Variants in MPZL1 observed in about 807,000 individuals in gnomAD.
MPZL1 encodes myelin protein zero-like protein 1.
In MPZL1, 16 loss-of-function variants were observed where a neutral mutation model predicts 29.3. The observed-to-expected ratio is 0.55, with a 90% CI of 0.37 to 0.83. The LOEUF (loss-of-function observed/expected upper bound fraction) is 0.83. Among genes scored for constraint, MPZL1 ranks in the 40% least tolerant of loss-of-function variants. The pLI, the probability that MPZL1 is intolerant of heterozygous loss-of-function variation, is 0.00. For missense variants in MPZL1, 279 were observed against 332.9 expected, an observed-to-expected ratio of 0.84 and a Z score of 1.26; for synonymous variants, 143 against 132.0, an observed-to-expected ratio of 1.08 and a Z score of -0.57.
intron 1 of MPZL1, among the ~76,000 whole-genome samples, chr1:167,756,429 ATTTTTTT>A (rs11455159): frequency 8.5e-5 from 8 of 94,632 alleles, no homozygotes; most frequent in East Asian, 3.1e-4. Flanking sequence ...GTCTGGCCAG[ATTTTTTT>A]TTTTTTTTTT....
Position 167,787,991 on chromosome 1 carries a change from C to T in MPZL1, c.*70C>T. On this transcript the variant is annotated 3_prime_UTR_variant, in exon 6 of 6. Coordinates refer to ENST00000359523, the MANE Select transcript of MPZL1 (RefSeq NM_003953.6). ...GGACTCTCGTGCAGAAAATGTAGCC[C>T]ATTACCACATGTAGCCTTGGAGACC... is the stretch of plus-strand genomic sequence containing the variant. 2.3e-6 allele frequency: 3 copies of T among 1,296,580 alleles called. No individual in the cohort carries two copies. The highest frequency in any genetic ancestry group is 1.8e-5 in the Admixed American group (1 of 56,960). 80.3% of individuals were successfully genotyped at this position (1,296,580 alleles called of 1,614,324 possible). A position where few individuals can be genotyped will look rare whatever the true frequency, so the allele number is the denominator to read the frequency against.
chr1:167,770,945 A>T (rs1445270916), intron 2 of MPZL1, among the ~76,000 whole-genome samples: 1 of 152,046 alleles, frequency 6.6e-6, no homozygotes, highest in African/African-American at 2.4e-5. Context: ...CGTGATCTCT[A>T]AACTTCTGTC....
At chr1:167,775,676 A>G (rs142378967) in intron 4 of MPZL1, among the ~76,000 whole-genome samples, 192 of 152,382 alleles carry the variant, frequency 1.3e-3, no homozygotes, top group Middle Eastern at 6.8e-3. Context: ...CATTAAGCTA[A>G]TAAAAGGTAC....
At chr1:167,778,146 C>T (rs537436818) in intron 5 of MPZL1, among the ~76,000 whole-genome samples, 1 of 152,080 alleles carries the variant, frequency 6.6e-6, no homozygotes, top group African/African-American at 2.4e-5. Context: ...CATGGTGAAA[C>T]CCTATCTCTA....
chr1:167,751,620 G>A (rs574705643), intron 1 of MPZL1, among the ~76,000 whole-genome samples: 69 of 149,242 alleles, frequency 4.6e-4, no homozygotes, highest in African/African-American at 1.6e-3. Flanking sequence ...GCAGTGAGCC[G>A]AGATGGCACC....
intron 5 of MPZL1, among the ~76,000 whole-genome samples, chr1:167,782,823 A>G (rs756374990): frequency 6.6e-6 from 1 of 152,140 alleles, no homozygotes; most frequent in Non-Finnish European, 1.5e-5. Flanking sequence ...GCTGACTTTA[A>G]AGATGAAGAA....
chr1:167,783,441 T>C (rs1245200710), intron 5 of MPZL1, among the ~76,000 whole-genome samples: 1 of 152,246 alleles, frequency 6.6e-6, no homozygotes, highest in Non-Finnish European at 1.5e-5. Context: ...TTTCTGGATA[T>C]CGTTGATGCT....
At chr1:167,777,938 G>A (rs560695059) in intron 5 of MPZL1, among the ~76,000 whole-genome samples, 1 of 152,318 alleles carries the variant, frequency 6.6e-6, no homozygotes, top group South Asian at 2.1e-4. Flanking sequence ...TAATTTAGTT[G>A]CATTTTACAA....
chr1:167,738,411 G>C (rs951327792), intron 1 of MPZL1, among the ~76,000 whole-genome samples: 1 of 152,158 alleles, frequency 6.6e-6, no homozygotes, highest in African/African-American at 2.4e-5. Flanking sequence ...ATACAAATAA[G>C]ATGTCCGTGT....
chr1:167,724,209 CAGAAGTA>C lies in MPZL1; in HGVS notation c.91+1968_91+1974del, dbSNP rs542085561. Among the ~76,000 whole-genome samples the C allele has an allele frequency of 3.9e-4, 59 of 152,182 alleles. No individual in the cohort carries two copies. The East Asian group carries it at 7.7e-3, about 20-fold the overall frequency. ...AAACTGGGTAGGCATGGGGGAGGGG[CAGAAGTA>C]CATACAGAGTTATGAATGAACCTGT... On this transcript the variant is annotated intron_variant, in intron 1 of 5. Transcript: ENST00000359523.
chr1:167,785,623 CCTT>C (rs1325299264), intron 5 of MPZL1, among the ~76,000 whole-genome samples: 2 of 152,154 alleles, frequency 1.3e-5, no homozygotes, highest in Non-Finnish European at 2.9e-5. Context: ...ATTGTAAACC[CCTT>C]CTCCCATGAA....
intron 1 of MPZL1, among the ~76,000 whole-genome samples, chr1:167,723,827 A>T (rs765896580): frequency 6.6e-6 from 1 of 152,234 alleles, no homozygotes; most frequent in Non-Finnish European, 1.5e-5. Context: ...TGAATCTAAA[A>T]TTCTTGCCAA....
intron 1 of MPZL1, among the ~76,000 whole-genome samples, 179 bp downstream of exon 1, chr1:167,722,421 C>G (rs1302074913): frequency 6.6e-6 from 1 of 152,226 alleles, no homozygotes; most frequent in Non-Finnish European, 1.5e-5. Context: ...GCCTCCGCGA[C>G]TGGCCGGGAA....
chr1:167,773,463 T>A, intron 4 of MPZL1, 95 bp downstream of exon 4: 1 of 1,367,814 alleles, frequency 7.3e-7, no homozygotes, highest in South Asian at 1.5e-5. Flanking sequence ...TTTAAAGAAT[T>A]AACTACTATT....
intron 1 of MPZL1, among the ~76,000 whole-genome samples, chr1:167,739,326 T>TACACATACATAC: frequency 7.1e-6 from 1 of 140,728 alleles, no homozygotes; most frequent in African/African-American, 2.8e-5. Context: ...TATATATTTA[T>TACACATACATAC]GTTTATTCTT....
At chr1:167,776,302 T>A in intron 5 of MPZL1, 136 bp downstream of exon 5, 1 of 538,696 alleles carries the variant, frequency 1.9e-6, no homozygotes, top group Admixed American at 3.7e-5. Context: ...AAAGAGAGAG[T>A]GGGAGTGAGG....
chr1:167,743,150 G>T (rs577539382), intron 1 of MPZL1, among the ~76,000 whole-genome samples: 8 of 151,868 alleles, frequency 5.3e-5, no homozygotes, highest in African/African-American at 1.9e-4. Context: ...GAAAACTGAT[G>T]GTGGTATTTT....
At chr1:167,734,084 G>A (rs10918752) in intron 1 of MPZL1, among the ~76,000 whole-genome samples, 6 of 151,492 alleles carry the variant, frequency 4.0e-5, no homozygotes, top group Admixed American at 2.0e-4. Context: ...GTGAAACCCC[G>A]TCTCTACTAA....
At position 167,790,951 on chromosome 1, in the gene MPZL1, A is replaced by G. The variant is rs982411871; in HGVS notation, c.*3030A>G. 1 of 152,158 alleles carries G rather than the reference A, an allele frequency of 6.6e-6. No homozygotes were observed. Among genetic ancestry groups the G allele is most frequent in the Non-Finnish European group, 1.5e-5 (1 of 68,038 alleles). The allele number at this position is 152,158 out of a possible 1,614,324, so 9.4% of individuals were successfully genotyped here. On this transcript the variant is annotated 3_prime_UTR_variant, in exon 6 of 6. Coordinates refer to ENST00000359523, the MANE Select transcript of MPZL1 (RefSeq NM_003953.6). ...TGTGCCTGCTTCTGGGCCTTTGCAC[A>G]TGCTGTTCCCTGGGCCTGAAGCATG...
Sources: gnomAD v4.1 joint callset for allele counts (sites outside exome capture counted in the v4.1 genomes callset) on GRCh38, gnomAD v4.1.1 for gene constraint, MANE v1.5 for transcripts, NCBI Gene and HGNC (gene_info 2026-07-23, HGNC 2026-07-21) for gene names.